XKR6: variants seen among roughly 807,000 people sequenced by gnomAD.
XKR6 encodes the protein XK related 6.
In XKR6, 22 loss-of-function variants were observed where a neutral mutation model predicts 56.7. The ratio of observed to expected loss-of-function variants is 0.39; its 90% CI spans 0.28 to 0.55. XKR6 has a LOEUF of 0.55. XKR6 is among the 20% of genes least tolerant of loss of function. The pLI is 0.66. For synonymous variants in XKR6, 524 were observed against 387.8 expected (o/e 1.35, Z -4.13); for missense variants, 852 against 889.0 (o/e 0.96, Z 0.53).
At chr8:10,957,378 A>C (rs10094684) in intron 1 of XKR6, among the ~76,000 whole-genome samples, 27,813 of 152,072 alleles carry the variant, frequency 0.18, 3,386 homozygotes, top group African/African-American at 0.35. Flanking sequence ...CAGGCGTGTC[A>C]CCATTGGAAC....
In XKR6 at chr8:11,201,253, C is replaced by G. The variant is rs756074988; in HGVS notation, c.87G>C (p.Glu29Asp). 6.4e-7 allele frequency: 1 copy of G among 1,568,466 alleles called. No homozygotes were observed. The highest frequency in any genetic ancestry group is 2.4e-5 in the East Asian group (1 of 42,120). ...CGCCTCCCCCGGGCTCCCCGTCCTC[C>G]TCGCCGCCGCTGCCCACCGCCTCGT... ...NLDEAVGSGG[E>D]EDGEPGGGGC... is the part of the protein sequence containing the mutation. Residue 29 changes from glutamate to aspartate, a missense_variant, in exon 1 of 3, where the codon GAG becomes GAC. Physicochemically the swap from Glu to Asp is conservative, Grantham distance 45. Transcript: ENST00000416569.
chr8:10,978,578 C>T (rs749920494), intron 1 of XKR6, among the ~76,000 whole-genome samples: 5 of 152,204 alleles, frequency 3.3e-5, no homozygotes, highest in Non-Finnish European at 7.3e-5. Flanking sequence ...AAGAAACAGG[C>T]ACCCCAAGAC....
chr8:11,083,777 G>GCA (rs1172026641), intron 1 of XKR6, among the ~76,000 whole-genome samples: 1 of 152,182 alleles, frequency 6.6e-6, no homozygotes, highest in Non-Finnish European at 1.5e-5. Context: ...ACTGTCAAAA[G>GCA]CACACCACCA....
chr8:11,158,760 C>A (rs1801649845), intron 1 of XKR6, among the ~76,000 whole-genome samples: 2 of 152,298 alleles, frequency 1.3e-5, no homozygotes, highest in African/African-American at 4.8e-5. Context: ...ACGAAACGGA[C>A]AGACACAGCT....
chr8:10,933,447 G>C (rs1279981502), intron 1 of XKR6, among the ~76,000 whole-genome samples: 2 of 125,524 alleles, frequency 1.6e-5, no homozygotes, highest in East Asian at 1.9e-4. Flanking sequence ...ATTGCTTTTG[G>C]TGTTTTGGAC....
chr8:11,019,589 C>G (rs1244281450), intron 1 of XKR6, among the ~76,000 whole-genome samples: 1 of 152,160 alleles, frequency 6.6e-6, no homozygotes, highest in Non-Finnish European at 1.5e-5. Context: ...CCAGCTGTAC[C>G]CAGGCCCAGG....
At chr8:10,960,189 C>T (rs28695604) in intron 1 of XKR6, among the ~76,000 whole-genome samples, 3 of 150,554 alleles carry the variant, frequency 2.0e-5, no homozygotes, top group Non-Finnish European at 4.4e-5. Context: ...GTATAGCAGG[C>T]AGGTGCAGGT....
intron 1 of XKR6, among the ~76,000 whole-genome samples, chr8:11,086,306 C>G (rs1026796335): frequency 2.0e-5 from 3 of 152,072 alleles, no homozygotes; most frequent in African/African-American, 7.2e-5. Flanking sequence ...CTTGGCCTGA[C>G]CTGCAGGACA....
chr8:11,163,161 T>G (rs1801906249), intron 1 of XKR6, among the ~76,000 whole-genome samples: 2 of 152,166 alleles, frequency 1.3e-5, no homozygotes, highest in Non-Finnish European at 2.9e-5. Context: ...AATCCACAAA[T>G]TTAATAATAA....
At chr8:10,946,218 G>T (rs1801533874) in intron 1 of XKR6, among the ~76,000 whole-genome samples, 1 of 152,054 alleles carries the variant, frequency 6.6e-6, no homozygotes, top group African/African-American at 2.4e-5. Flanking sequence ...GGGGAATGGG[G>T]GTGAGATCAG....
At chr8:10,984,796 T>C (rs1197281200) in intron 1 of XKR6, among the ~76,000 whole-genome samples, 2 of 142,536 alleles carry the variant, frequency 1.4e-5, no homozygotes, top group Non-Finnish European at 3.0e-5. Flanking sequence ...AAAACTCTAC[T>C]AAGCAAATAA....
chr8:11,166,175 A>G (rs1279690533), intron 1 of XKR6, among the ~76,000 whole-genome samples: 1 of 152,072 alleles, frequency 6.6e-6, no homozygotes, highest in African/African-American at 2.4e-5. Context: ...CAGCCATACT[A>G]TTCACTGAAG....
chr8:11,071,283 A>C (rs1800107115), intron 1 of XKR6, among the ~76,000 whole-genome samples: 1 of 152,270 alleles, frequency 6.6e-6, no homozygotes, highest in East Asian at 1.9e-4. Context: ...ATTGTTGTCC[A>C]GGCTGGAGTG....
chr8:11,182,919 T>C (rs908373677), intron 1 of XKR6, among the ~76,000 whole-genome samples: 5 of 152,314 alleles, frequency 3.3e-5, no homozygotes, highest in East Asian at 3.9e-4. Flanking sequence ...ACTATGTCTC[T>C]ATGAACTTGA....
At chr8:11,088,422 G>C (rs1797961477) in intron 1 of XKR6, among the ~76,000 whole-genome samples, 1 of 152,160 alleles carries the variant, frequency 6.6e-6, no homozygotes, top group African/African-American at 2.4e-5. Flanking sequence ...ACATTGCTTT[G>C]TCACGTTACT....
At chr8:11,027,929 C>T (rs995925429) in intron 1 of XKR6, among the ~76,000 whole-genome samples, 1 of 152,176 alleles carries the variant, frequency 6.6e-6, no homozygotes, top group African/African-American at 2.4e-5. Context: ...GAGTGGTGCA[C>T]TTGTTGCAAT....
chr8:11,006,064 G>A (rs962979530), intron 1 of XKR6, among the ~76,000 whole-genome samples: 3 of 152,074 alleles, frequency 2.0e-5, no homozygotes, highest in Non-Finnish European at 2.9e-5. Context: ...GGCTGGTCTC[G>A]AACTCCTGAC....
chr8:11,143,752 C>T (rs1481555875), intron 1 of XKR6, among the ~76,000 whole-genome samples: 2 of 152,112 alleles, frequency 1.3e-5, no homozygotes, highest in African/African-American at 2.4e-5. Context: ...TGGATGGTGG[C>T]TAAAGGGGAT....
intron 1 of XKR6, among the ~76,000 whole-genome samples, chr8:10,993,328 C>T (rs1016970850): frequency 1.1e-4 from 16 of 152,038 alleles, no homozygotes; most frequent in South Asian, 4.1e-4. Context: ...GCCAAGGGGA[C>T]GGGGGTGTGA....
Sources: gnomAD v4.1 joint callset for allele counts (sites outside exome capture counted in the v4.1 genomes callset) on GRCh38, gnomAD v4.1.1 for gene constraint, MANE v1.5 for transcripts, NCBI Gene and HGNC (gene_info 2026-07-23, HGNC 2026-07-21) for gene names.